The following GABRG1 variants were observed in gnomAD, a reference collection of about 807,000 sequenced individuals.
The protein encoded by GABRG1 is gamma-aminobutyric acid type A receptor subunit gamma1.
A neutral mutation model predicts 49.8 loss-of-function variants in GABRG1; 49 were observed. The observed-to-expected ratio is 0.98, with a 90% CI of 0.78 to 1.25. The LOEUF (loss-of-function observed/expected upper bound fraction) is 1.25. GABRG1 is among the 50% of genes most tolerant of loss of function. GABRG1 has a pLI of 0.00. For missense variants in GABRG1, 552 were observed against 552.3 expected (o/e 1.00, Z 0.01); for synonymous variants, 232 against 185.1 (o/e 1.25, Z -2.06).
chr4:46,117,590 T>TCTC (rs1720941500), intron 1 of GABRG1, among the ~76,000 whole-genome samples: 1 of 130,296 alleles, frequency 7.7e-6, no homozygotes, highest in African/African-American at 3.1e-5. Context: ...CTGTCTCTCT[T>TCTC]TGTCTCTCTC....
chr4:46,121,766 A>G (rs1721094638), intron 1 of GABRG1, among the ~76,000 whole-genome samples: 1 of 152,214 alleles, frequency 6.6e-6, no homozygotes, highest in South Asian at 2.1e-4. Context: ...GCTAATTAGA[A>G]CAACAGCTTA....
intron 3 of GABRG1, among the ~76,000 whole-genome samples, chr4:46,079,765 C>T (rs1174045207): frequency 6.6e-6 from 1 of 151,788 alleles, no homozygotes; most frequent in East Asian, 1.9e-4. Context: ...TAAAGAATTG[C>T]TATGGCCCTT....
In GABRG1 at chr4:46,114,881, C is replaced by A. The variant is rs1471300928; in HGVS notation, c.104+8929G>T. On this transcript the variant is annotated intron_variant, in intron 1 of 8. Coordinates refer to ENST00000295452, the MANE Select transcript of GABRG1 (RefSeq NM_173536.4). ...TACTCATTTGACAATGACAACATAG[C>A]ATATGAAATGATTAAGCGGAACTAT... Among the ~76,000 whole-genome samples the A allele has an allele frequency of 2.0e-5, 3 of 150,404 alleles. No homozygotes were observed. In the East Asian group the frequency reaches 5.9e-4, roughly 29 times the overall value.
chr4:46,060,998 C>A (rs1718651650), intron 5 of GABRG1, among the ~76,000 whole-genome samples: 1 of 152,040 alleles, frequency 6.6e-6, no homozygotes, highest in Admixed American at 6.6e-5. Flanking sequence ...ATGTAGAGTG[C>A]CTGAAAAAAA....
chr4:46,073,059 T>A (rs544563253), intron 3 of GABRG1, among the ~76,000 whole-genome samples: 6 of 151,996 alleles, frequency 3.9e-5, no homozygotes, highest in African/African-American at 4.8e-5. Flanking sequence ...TAAAATAATT[T>A]AAAAAATAAT....
intron 7 of GABRG1, among the ~76,000 whole-genome samples, chr4:46,056,184 T>C (rs1577635715): frequency 9.8e-6 from 1 of 102,060 alleles, no homozygotes. Context: ...AAAAAAATAG[T>C]CTCCCATCAC....
chr4:46,057,583 A>G (rs990946260), intron 7 of GABRG1, among the ~76,000 whole-genome samples: 3 of 152,140 alleles, frequency 2.0e-5, no homozygotes, highest in African/African-American at 7.2e-5. Context: ...ATAGATTGTT[A>G]CAGAAAAATA....
intron 2 of GABRG1, among the ~76,000 whole-genome samples, chr4:46,086,185 A>G (rs1434893118): frequency 6.6e-6 from 1 of 151,622 alleles, no homozygotes; most frequent in East Asian, 1.9e-4. Flanking sequence ...GGATATAAGT[A>G]GATATTCTCC....
At chr4:46,061,702 A>T (rs1027737331) in intron 5 of GABRG1, among the ~76,000 whole-genome samples, 3 of 151,826 alleles carry the variant, frequency 2.0e-5, no homozygotes, top group Non-Finnish European at 2.9e-5. Flanking sequence ...AAGCATTTTA[A>T]TATAACTGAT....
At chr4:46,102,726 C>T (rs556629684) in intron 1 of GABRG1, among the ~76,000 whole-genome samples, 8 of 151,630 alleles carry the variant, frequency 5.3e-5, no homozygotes, top group African/African-American at 1.9e-4. Context: ...ATACAAATTT[C>T]TTTGATGACA....
chr4:46,065,867 C>T (rs1213600855), intron 3 of GABRG1, among the ~76,000 whole-genome samples: 1 of 152,084 alleles, frequency 6.6e-6, no homozygotes, highest in East Asian at 1.9e-4. Context: ...GGACAACAGG[C>T]ACCCGCCACC....
chr4:46,041,919 T>A (rs1026674552), intron 8 of GABRG1, among the ~76,000 whole-genome samples: 3 of 152,038 alleles, frequency 2.0e-5, no homozygotes, highest in Non-Finnish European at 4.4e-5. Context: ...TGTAAAATGA[T>A]CAATGCTCCA....
chr4:46,105,821 A>ATAGT (rs1720517644), intron 1 of GABRG1, among the ~76,000 whole-genome samples: 1 of 151,320 alleles, frequency 6.6e-6, no homozygotes, highest in Admixed American at 6.6e-5. Flanking sequence ...AGATAGATAG[A>ATAGT]TAGATAGATA....
intron 1 of GABRG1, among the ~76,000 whole-genome samples, chr4:46,116,159 C>T (rs1391248457): frequency 6.6e-6 from 1 of 150,892 alleles, no homozygotes; most frequent in African/African-American, 2.4e-5. Context: ...CTACAAACCA[C>T]CCATCCAATG....
intron 1 of GABRG1, among the ~76,000 whole-genome samples, chr4:46,115,212 G>A (rs16859094): frequency 6.6e-6 from 1 of 150,620 alleles, no homozygotes; most frequent in Admixed American, 6.6e-5. Context: ...GTTTCTGTAA[G>A]TAAAACCTCA....
At chr4:46,053,094 A>G (rs1468887362) in intron 7 of GABRG1, among the ~76,000 whole-genome samples, 2 of 151,880 alleles carry the variant, frequency 1.3e-5, no homozygotes, top group Non-Finnish European at 2.9e-5. Flanking sequence ...CTTGCTTCGT[A>G]ATTGTAGTAA....
chr4:46,056,142 TAAATAAATTAAAAA>T (rs1443287863), intron 7 of GABRG1, among the ~76,000 whole-genome samples: 3 of 5,742 alleles, frequency 5.2e-4, no homozygotes, highest in African/African-American at 3.9e-3. Context: ...AAAAAATAAA[TAAATAAATTAAAAA>T]AAAAAAAAAA....
chr4:46,063,653 T>C (rs996171647), intron 5 of GABRG1, among the ~76,000 whole-genome samples: 3 of 152,054 alleles, frequency 2.0e-5, no homozygotes, highest in Middle Eastern at 3.2e-3. Flanking sequence ...CCAAAAGCAA[T>C]GGCAACAAAA....
At chr4:46,087,522 T>C (rs1719823027) in intron 2 of GABRG1, among the ~76,000 whole-genome samples, 1 of 151,526 alleles carries the variant, frequency 6.6e-6, no homozygotes, top group Admixed American at 6.6e-5. Flanking sequence ...CAGGAAAAAG[T>C]CAGGAGGAGA....
Sources: gnomAD v4.1 joint callset for allele counts (sites outside exome capture counted in the v4.1 genomes callset) on GRCh38, gnomAD v4.1.1 for gene constraint, MANE v1.5 for transcripts, NCBI Gene and HGNC (gene_info 2026-07-23, HGNC 2026-07-21) for gene names.